Variants in VMP1 observed in about 807,000 individuals in gnomAD.
VMP1 encodes vacuole membrane protein 1.
A neutral mutation model predicts 56.0 loss-of-function variants in VMP1; 11 were observed. The ratio of observed to expected loss-of-function variants is 0.20; its 90% CI spans 0.12 to 0.32. The LOEUF is 0.32. VMP1 is among the 10% of genes least tolerant of loss of function. The pLI is 1.00. For missense variants in VMP1, 296 were observed against 490.3 expected (o/e 0.60, Z 3.74); for synonymous variants, 149 against 165.0 (o/e 0.90, Z 0.74).
chr17:59,739,802 G>A (rs1396559783), intron 5 of VMP1, among the ~76,000 whole-genome samples: 2 of 148,040 alleles, frequency 1.4e-5, no homozygotes, highest in Non-Finnish European at 3.0e-5. Context: ...ATGGCCAGGT[G>A]CAGTGGCTCA....
At chr17:59,774,617 A>G (rs2144039411) in intron 7 of VMP1, among the ~76,000 whole-genome samples, 1 of 152,270 alleles carries the variant, frequency 6.6e-6, no homozygotes, top group African/African-American at 2.4e-5. Flanking sequence ...ATGTAGTAGT[A>G]TATATGACAA....
chr17:59,714,602 A>AT (rs980194714), intron 1 of VMP1, among the ~76,000 whole-genome samples: 15 of 139,006 alleles, frequency 1.1e-4, no homozygotes, highest in Non-Finnish European at 1.7e-4. Flanking sequence ...ATATATAATT[A>AT]TTTTAAAGCA....
At chr17:59,714,729 G>C (rs1488860689) in intron 1 of VMP1, among the ~76,000 whole-genome samples, 2 of 152,122 alleles carry the variant, frequency 1.3e-5, no homozygotes, top group African/African-American at 4.8e-5. Flanking sequence ...GATTGCAGTG[G>C]CACGATCACA....
chr17:59,754,829 A>G (rs9899611), intron 5 of VMP1, among the ~76,000 whole-genome samples: 39,609 of 152,056 alleles, frequency 0.26, 5,536 homozygotes, highest in East Asian at 0.44. Context: ...TCAGGACATC[A>G]GGCTGGGTTT....
chr17:59,783,835 T>C (rs1288602411), intron 7 of VMP1, among the ~76,000 whole-genome samples: 2 of 152,196 alleles, frequency 1.3e-5, no homozygotes, highest in Non-Finnish European at 2.9e-5. Context: ...TACTCTTTAC[T>C]AGTTTTTTAT....
intron 5 of VMP1, among the ~76,000 whole-genome samples, chr17:59,757,925 T>A (rs1172064785): frequency 7.6e-6 from 1 of 131,060 alleles, no homozygotes; most frequent in Non-Finnish European, 1.6e-5. Context: ...TGATCTCAGC[T>A]CACAGCAACC....
intron 10 of VMP1, among the ~76,000 whole-genome samples, chr17:59,827,834 T>C (rs1177876922): frequency 6.6e-6 from 1 of 151,922 alleles, no homozygotes; most frequent in African/African-American, 2.4e-5. Flanking sequence ...CTCGGAAGGT[T>C]GAGGCAGGAA....
chr17:59,808,884 A>C lies in VMP1; in HGVS notation c.795+8A>C, dbSNP rs775454170. On this transcript the variant is annotated splice_region_variant and intron_variant, in intron 8 of 11. Transcript: ENST00000262291. ...ATTTTGGCCTGTGCTTCAGTAAGTG[A>C]ATTGTATTAAAACAGAACTTTTACT... 7 of 1,611,956 alleles carry C rather than the reference A, an allele frequency of 4.3e-6. No individual in the cohort carries two copies. Among genetic ancestry groups the C allele is most frequent in the Non-Finnish European group, 5.1e-6 (6 of 1,178,152 alleles).
chr17:59,838,100 CTTTT>C (rs371074488), intron 10 of VMP1, 191 bp from the exon 11 acceptor site: 205 of 129,240 alleles, frequency 1.6e-3, no homozygotes, highest in East Asian at 3.1e-3. Flanking sequence ...AGTAAATTTT[CTTTT>C]TTTTTTTTTT....
chr17:59,791,970 T>C (rs2144124261), intron 7 of VMP1, among the ~76,000 whole-genome samples: 1 of 152,196 alleles, frequency 6.6e-6, no homozygotes, highest in East Asian at 1.9e-4. Flanking sequence ...ATTTATAAAT[T>C]TGTTAAGATT....
chr17:59,713,846 G>T (rs2034036455), intron 1 of VMP1, among the ~76,000 whole-genome samples: 1 of 151,554 alleles, frequency 6.6e-6, no homozygotes, highest in African/African-American at 2.4e-5. Flanking sequence ...TTCAAGATCA[G>T]CCTGGCCAAC....
intron 2 of VMP1, among the ~76,000 whole-genome samples, chr17:59,731,761 A>G (rs914152324): frequency 3.3e-5 from 5 of 152,194 alleles, no homozygotes; most frequent in African/African-American, 1.2e-4. Context: ...TTAATCTTAT[A>G]GTATGGTCAG....
At chr17:59,838,254 A>T in intron 10 of VMP1, 41 bp from the exon 11 acceptor site, 1 of 1,569,830 alleles carries the variant, frequency 6.4e-7, no homozygotes, top group Middle Eastern at 1.7e-4. Flanking sequence ...TTTTCTTCCC[A>T]AATGTGTCTT....
At chr17:59,739,481 T>C (rs1226478363) in intron 5 of VMP1, among the ~76,000 whole-genome samples, 1 of 151,710 alleles carries the variant, frequency 6.6e-6, no homozygotes, top group Admixed American at 6.6e-5. Flanking sequence ...TCCCAGCACT[T>C]TGGGAGGCCA....
intron 10 of VMP1, among the ~76,000 whole-genome samples, chr17:59,825,077 ATTTTTTTTTTTT>A (rs747807694): frequency 1.4e-5 from 1 of 70,088 alleles, no homozygotes; most frequent in African/African-American, 5.6e-5. Context: ...GTTAGTTGTG[ATTTTTTTTTTTT>A]TTTTTTTTTT....
chr17:59,756,964 G>A (rs570316172), intron 5 of VMP1, among the ~76,000 whole-genome samples: 1 of 152,062 alleles, frequency 6.6e-6, no homozygotes, highest in African/African-American at 2.4e-5. Flanking sequence ...TACAATTATA[G>A]TAAATCATGA....
intron 5 of VMP1, among the ~76,000 whole-genome samples, chr17:59,740,770 G>A (rs2035197841): frequency 1.3e-5 from 2 of 152,174 alleles, no homozygotes; most frequent in South Asian, 4.1e-4. Flanking sequence ...AGGAATTACA[G>A]GTTACAGGAT....
At chr17:59,771,278 T>G (rs1182363087) in intron 6 of VMP1, among the ~76,000 whole-genome samples, 1 of 151,674 alleles carries the variant, frequency 6.6e-6, no homozygotes, top group Non-Finnish European at 1.5e-5. Context: ...GCTTAAACAA[T>G]CCTCCCACCT....
At chr17:59,812,675 G>A (rs1054063439) in intron 9 of VMP1, among the ~76,000 whole-genome samples, 1 of 152,216 alleles carries the variant, frequency 6.6e-6, no homozygotes. Flanking sequence ...GCTCACGCCT[G>A]TAATCCCAGC....
Sources: gnomAD v4.1 joint callset for allele counts (sites outside exome capture counted in the v4.1 genomes callset) on GRCh38, gnomAD v4.1.1 for gene constraint, MANE v1.5 for transcripts, NCBI Gene and HGNC (gene_info 2026-07-23, HGNC 2026-07-21) for gene names.